The following JARID2 variants were observed in gnomAD, a reference collection of about 807,000 sequenced individuals.
JARID2 encodes jumonji and AT-rich interaction domain containing 2.
JARID2 carries 21 observed loss-of-function variants against 125.6 expected under a neutral mutation model. The ratio of observed to expected loss-of-function variants is 0.17; its 90% confidence interval spans 0.12 to 0.24. JARID2 has a LOEUF of 0.24. Ranked by LOEUF, JARID2 falls within the 10% of genes least tolerant of loss-of-function variation. JARID2 has a pLI of 1.00. For missense variants in JARID2, 1,303 were observed against 1,639.6 expected (o/e 0.79, Z 3.55); for synonymous variants, 736 against 661.6 (o/e 1.11, Z -1.73).
At chr6:15,434,204 TTAAA>T (rs757849890) in intron 3 of JARID2, among the ~76,000 whole-genome samples, 14 of 152,100 alleles carry the variant, frequency 9.2e-5, no homozygotes, top group Non-Finnish European at 1.8e-4. Flanking sequence ...AGAGATGACA[TTAAA>T]TAATACTGTA....
intron 2 of JARID2, among the ~76,000 whole-genome samples, chr6:15,387,223 G>C (rs949249617): frequency 6.6e-6 from 1 of 152,152 alleles, no homozygotes; most frequent in African/African-American, 2.4e-5. Flanking sequence ...CGCCCTTGAG[G>C]ATGCCAAGAC....
At chr6:15,373,098 A>T (rs1764231560) in intron 1 of JARID2, among the ~76,000 whole-genome samples, 1 of 152,226 alleles carries the variant, frequency 6.6e-6, no homozygotes, top group Non-Finnish European at 1.5e-5. Flanking sequence ...TAACAGCTAC[A>T]GAAGAGAACC....
chr6:15,258,923 A>G (rs1037775138), intron 1 of JARID2, among the ~76,000 whole-genome samples: 3 of 152,228 alleles, frequency 2.0e-5, no homozygotes, highest in Non-Finnish European at 4.4e-5. Flanking sequence ...TGATTATAGT[A>G]TATCCCAGTT....
intron 2 of JARID2, among the ~76,000 whole-genome samples, chr6:15,409,512 G>T (rs571495117): frequency 6.9e-4 from 105 of 152,318 alleles, no homozygotes; most frequent in Non-Finnish European, 1.4e-3. Flanking sequence ...TGACCTTACT[G>T]CTGGTTAGAA....
intron 1 of JARID2, among the ~76,000 whole-genome samples, chr6:15,353,446 G>A (rs1313017877): frequency 6.6e-6 from 1 of 152,162 alleles, no homozygotes; most frequent in Non-Finnish European, 1.5e-5. Context: ...TTTAAAAAGA[G>A]CAGTTTGGAG....
At chr6:15,259,772 G>T (rs572658619) in intron 1 of JARID2, among the ~76,000 whole-genome samples, 20 of 152,162 alleles carry the variant, frequency 1.3e-4, no homozygotes, top group Non-Finnish European at 1.3e-4. Flanking sequence ...TTTGATGGGG[G>T]TTACTTTTAT....
intron 6 of JARID2, among the ~76,000 whole-genome samples, chr6:15,489,422 C>T (rs2127721189): frequency 6.6e-6 from 1 of 152,316 alleles, no homozygotes; most frequent in Non-Finnish European, 1.5e-5. Context: ...CACGGACAGA[C>T]ACGGGTGCGC....
chr6:15,405,026 C>T (rs1421298658), intron 2 of JARID2, among the ~76,000 whole-genome samples: 1 of 152,074 alleles, frequency 6.6e-6, no homozygotes, highest in Admixed American at 6.6e-5. Context: ...TCTGTCCATA[C>T]ATTTGTGTTC....
chr6:15,289,551 TA>T (rs371096822), intron 1 of JARID2, among the ~76,000 whole-genome samples: 12,761 of 144,750 alleles, frequency 0.088, 801 homozygotes, highest in African/African-American at 0.18. Flanking sequence ...CTTTAAATTG[TA>T]AAAAAAAAAA....
intron 12 of JARID2, 128 bp from the exon 13 acceptor site, chr6:15,511,168 C>A: frequency 1.4e-6 from 1 of 705,984 alleles, no homozygotes; most frequent in Non-Finnish European, 2.5e-6. Context: ...GGCCAGTGCG[C>A]CATCCCTGCC....
At chr6:15,468,780 G>C in intron 5 of JARID2, 62 bp downstream of exon 5, 4 of 1,512,144 alleles carry the variant, frequency 2.6e-6, no homozygotes, top group Non-Finnish European at 3.6e-6. Context: ...AGCTGGAAGA[G>C]AGCCTCTGCT....
At chr6:15,341,345 T>C (rs1485825780) in intron 1 of JARID2, among the ~76,000 whole-genome samples, 1 of 152,232 alleles carries the variant, frequency 6.6e-6, no homozygotes, top group African/African-American at 2.4e-5. Flanking sequence ...TATGTATACT[T>C]ATGATTTTAC....
At chr6:15,292,921 C>T (rs1317480788) in intron 1 of JARID2, among the ~76,000 whole-genome samples, 13 of 152,184 alleles carry the variant, frequency 8.5e-5, no homozygotes, top group Admixed American at 8.5e-4. Context: ...CTCCTGCCTC[C>T]ACCTTCCAAA....
chr6:15,464,267 C>T (rs903458896), intron 4 of JARID2, among the ~76,000 whole-genome samples: 13 of 152,276 alleles, frequency 8.5e-5, no homozygotes, highest in Non-Finnish European at 1.8e-4. Flanking sequence ...GTGGACATTC[C>T]AGCAGAATTC....
At chr6:15,476,886 C>T (rs1769367342) in intron 5 of JARID2, among the ~76,000 whole-genome samples, 1 of 151,966 alleles carries the variant, frequency 6.6e-6, no homozygotes, top group African/African-American at 2.4e-5. Context: ...TTATTTTTTC[C>T]AGGGGGTAAG....
At chr6:15,404,041 A>T (rs1765547443) in intron 2 of JARID2, among the ~76,000 whole-genome samples, 1 of 152,184 alleles carries the variant, frequency 6.6e-6, no homozygotes, top group Non-Finnish European at 1.5e-5. Context: ...ATTATTTTCC[A>T]TAAGCCGAGG....
At chr6:15,477,294 G>C (rs936141100) in intron 5 of JARID2, among the ~76,000 whole-genome samples, 7 of 151,898 alleles carry the variant, frequency 4.6e-5, no homozygotes, top group Admixed American at 4.6e-4. Flanking sequence ...TGGGGTGTTG[G>C]GGTGTCGGTC....
chr6:15,496,023 C>G (rs1581643422), intron 6 of JARID2, 109 bp from the exon 7 acceptor site: 1 of 853,666 alleles, frequency 1.2e-6, no homozygotes, highest in East Asian at 2.4e-5. Context: ...AGGCTGCTGG[C>G]TCTGTTCATC....
chr6:15,295,297 A>G (rs906740876), intron 1 of JARID2, among the ~76,000 whole-genome samples: 5 of 151,354 alleles, frequency 3.3e-5, no homozygotes, highest in Admixed American at 6.6e-5. Flanking sequence ...AATTTTTTGT[A>G]TTTTTAGTAG....
Sources: gnomAD v4.1 joint callset for allele counts (sites outside exome capture counted in the v4.1 genomes callset) on GRCh38, gnomAD v4.1.1 for gene constraint, MANE v1.5 for transcripts, NCBI Gene and HGNC (gene_info 2026-07-23, HGNC 2026-07-21) for gene names.